The following EGFR variants were observed in gnomAD, a reference collection of about 807,000 sequenced individuals.
EGFR encodes the protein avian erythroblastic leukemia viral (v-erb-b) oncogene homolog.
In EGFR, 58 loss-of-function variants were observed where a neutral mutation model predicts 143.0. The observed-to-expected ratio is 0.41, with a 90% CI of 0.33 to 0.50. The LOEUF is 0.50. Among genes scored for constraint, EGFR ranks in the 20% least tolerant of loss-of-function variants. The probability of loss-of-function intolerance (pLI) is 0.39; values close to 1 mark genes in which losing one functional copy is unlikely to be tolerated. For missense variants in EGFR, 1,307 were observed against 1,579.0 expected (o/e 0.83, Z 2.92); for synonymous variants, 613 against 594.4 (o/e 1.03, Z -0.45).
At chr7:55,027,990 AAATAT>A (rs1450467645) in intron 1 of EGFR, among the ~76,000 whole-genome samples, 112 of 64,864 alleles carry the variant, frequency 1.7e-3, no homozygotes, top group East Asian at 0.014. Context: ...AAAAAAAAAA[AAATAT>A]ATATATATAT....
intron 1 of EGFR, among the ~76,000 whole-genome samples, chr7:55,078,725 G>T (rs1277396836): frequency 6.6e-6 from 1 of 152,208 alleles, no homozygotes; most frequent in African/African-American, 2.4e-5. Context: ...ACGGTCTGTG[G>T]CTGTGCTCAG....
At chr7:55,144,468 AG>A (rs1228980087) in intron 3 of EGFR, among the ~76,000 whole-genome samples, 2 of 152,198 alleles carry the variant, frequency 1.3e-5, no homozygotes, top group East Asian at 3.9e-4. Flanking sequence ...CAGTTCTGAC[AG>A]GGAGGCAGTG....
At chr7:55,044,538 C>T (rs886391634) in intron 1 of EGFR, among the ~76,000 whole-genome samples, 11 of 152,202 alleles carry the variant, frequency 7.2e-5, no homozygotes, top group Non-Finnish European at 1.6e-4. Context: ...TGAGAAGTCA[C>T]CATGCATTTG....
chr7:55,191,546 ATCT>A (rs1787393990), intron 20 of EGFR, among the ~76,000 whole-genome samples, 170 bp from the exon 21 acceptor site: 1 of 152,196 alleles, frequency 6.6e-6, no homozygotes, highest in South Asian at 2.1e-4. Flanking sequence ...AGCGGGTTAC[ATCT>A]TCTTTCATGC....
chr7:55,080,862 C>A (rs900580549), intron 1 of EGFR, among the ~76,000 whole-genome samples: 4 of 152,040 alleles, frequency 2.6e-5, no homozygotes, highest in Non-Finnish European at 5.9e-5. Flanking sequence ...ATTCACTTGT[C>A]GTGGATGTGG....
Position 55,191,844 on chromosome 7 carries a change from A to G in EGFR, c.2595A>G (p.Glu865=), listed in dbSNP as rs2128964676. 6.2e-7 allele frequency: 1 copy of G among 1,614,046 alleles called. No individual in the cohort carries two copies. The highest frequency in any genetic ancestry group is 1.1e-5 in the South Asian group (1 of 91,080). ...GGCTGGCCAAACTGCTGGGTGCGGA[A>G]GAGAAAGAATACCATGCAGAAGGAG... The part of the protein sequence containing the change: ...DFGLAKLLGA[E]EKEYHAEGGK... The change falls in exon 21 of 28, where the codon GAA becomes GAG. Residue 865 remains glutamate (E), a synonymous_variant. Coordinates refer to ENST00000275493, the MANE Select transcript of EGFR (RefSeq NM_005228.5).
chr7:55,130,340 G>A (rs1284854025), intron 1 of EGFR, among the ~76,000 whole-genome samples: 1 of 152,198 alleles, frequency 6.6e-6, no homozygotes, highest in African/African-American at 2.4e-5. Flanking sequence ...CGGCCCTATT[G>A]CAAGAATGTC....
At chr7:55,187,620 A>G (rs935519744) in intron 20 of EGFR, among the ~76,000 whole-genome samples, 5 of 152,212 alleles carry the variant, frequency 3.3e-5, no homozygotes, top group African/African-American at 1.2e-4. Context: ...GAAGGTGGCA[A>G]GCTGGCCTGA....
At position 55,210,831 on chromosome 7, in the gene EGFR, G is replaced by A. The variant is rs1198671722; in HGVS notation, c.*5214G>A. The A allele has an allele frequency of 6.6e-6, 1 of 152,208 alleles. No individual in the cohort carries two copies. Among genetic ancestry groups the A allele is most frequent in the Non-Finnish European group, 1.5e-5 (1 of 68,038 alleles). 9.4% of individuals were successfully genotyped at this position (152,208 alleles called of 1,614,324 possible). A position where few individuals can be genotyped will look rare whatever the true frequency, so the allele number is the denominator to read the frequency against. ...TAATATTCTTGCTGCTTATGCAGCT[G>A]ACATTGTTGCCCTCCCTAAAGCAAC... On this transcript the variant is annotated 3_prime_UTR_variant, in exon 28 of 28. Transcript: ENST00000275493.
At position 55,200,575 on chromosome 7, in the gene EGFR, C is replaced by T. The variant is rs139068680; in HGVS notation, c.2946+162C>T. 3.8e-4 allele frequency: 278 copies of T among 737,628 alleles called. No homozygotes were observed. The East Asian group carries it at 6.7e-3, about 18-fold the overall frequency. The allele number at this position is 737,628 out of a possible 1,614,324, so 45.7% of individuals were successfully genotyped here. A position where few individuals can be genotyped will look rare whatever the true frequency, so the allele number is the denominator to read the frequency against. On this transcript the variant is annotated intron_variant, in intron 24 of 27. Transcript: ENST00000275493. ...AGCCTCAGTAAGGCGCAGGCCACAT[C>T]GTGAACTAAGCAGCATCCGTGAGTG...
intron 1 of EGFR, among the ~76,000 whole-genome samples, chr7:55,036,779 C>T (rs990787081): frequency 2.6e-5 from 4 of 152,054 alleles, no homozygotes; most frequent in South Asian, 2.1e-4. Context: ...AATACTGTAG[C>T]GACAAAGTAA....
At chr7:55,183,631 T>A (rs1418548778) in intron 20 of EGFR, among the ~76,000 whole-genome samples, 1 of 152,186 alleles carries the variant, frequency 6.6e-6, no homozygotes, top group East Asian at 1.9e-4. Flanking sequence ...CTTCCCCAGC[T>A]CTCCTCCTGG....
At position 55,173,911 on chromosome 7, in the gene EGFR, T is replaced by TC. The variant is rs770889681; in HGVS notation, c.2062-3dup. The stretch of plus-strand genomic sequence containing the variant: ...GGTGACCCTTGTCTCTGTGTTCTTG[T>TC]CCCCCCCAGCTTGTGGAGCCTCTTA... On this transcript the variant is annotated splice_polypyrimidine_tract_variant and intron_variant, in intron 17 of 27. Coordinates refer to ENST00000275493, the MANE Select transcript of EGFR (RefSeq NM_005228.5). 2.9e-5 allele frequency: 47 copies of TC among 1,613,826 alleles called. No individual in the cohort carries two copies. The highest frequency in any genetic ancestry group is 8.9e-5 in the East Asian group (4 of 44,878).
At chr7:55,102,097 C>T (rs1017447507) in intron 1 of EGFR, among the ~76,000 whole-genome samples, 5 of 152,148 alleles carry the variant, frequency 3.3e-5, no homozygotes, top group Non-Finnish European at 5.9e-5. Flanking sequence ...TGAACGTGTT[C>T]CCTGCCTCTG....
intron 1 of EGFR, among the ~76,000 whole-genome samples, chr7:55,026,378 C>T (rs879310603): frequency 2.0e-5 from 3 of 152,188 alleles, no homozygotes; most frequent in Non-Finnish European, 4.4e-5. Flanking sequence ...CACTCCACCC[C>T]TCCTCCTTTT....
intron 3 of EGFR, among the ~76,000 whole-genome samples, chr7:55,145,046 A>G (rs529498573): frequency 5.3e-5 from 8 of 152,306 alleles, no homozygotes; most frequent in African/African-American, 1.9e-4. Context: ...ATGTGATACC[A>G]TTAATAGCTA....
At chr7:55,076,065 G>C (rs1790117590) in intron 1 of EGFR, among the ~76,000 whole-genome samples, 1 of 152,202 alleles carries the variant, frequency 6.6e-6, no homozygotes, top group East Asian at 1.9e-4. Flanking sequence ...TGTTATAAAT[G>C]AGACATTTGG....
rs577290355 is a variant in EGFR at position 55,064,576 on chromosome 7, T to C, written c.88+45211T>C. Among the ~76,000 whole-genome samples the C allele has an allele frequency of 5.4e-4, 82 of 152,318 alleles. 1 individual carries two copies. Among genetic ancestry groups the C allele is most frequent in the African/African-American group, 1.9e-3 (80 of 41,562 alleles). ...TATGCACTTCTTTTTTCTCTTTGGT[T>C]CTTCAAACTCTCAGTCAGTGCGCAT... On this transcript the variant is annotated intron_variant, in intron 1 of 27. Transcript: ENST00000275493.
In EGFR at chr7:55,211,405, A is replaced by G. The variant is rs527801328; in HGVS notation, c.*5788A>G. 2.0e-5 allele frequency: 3 copies of G among 152,366 alleles called. No individual in the cohort carries two copies. Among genetic ancestry groups the G allele is most frequent in the Admixed American group, 2.0e-4 (3 of 15,306 alleles). The allele number at this position is 152,366 out of a possible 1,614,324, so 9.4% of individuals were successfully genotyped here. A position where few individuals can be genotyped will look rare whatever the true frequency, so the allele number is the denominator to read the frequency against. ...ACTTCGTTTTAGAAACATTCAAGCA[A>G]TAGCTTTATAGCTTCAACATATGGT... On this transcript the variant is annotated 3_prime_UTR_variant, in exon 28 of 28. Coordinates refer to ENST00000275493, the MANE Select transcript of EGFR (RefSeq NM_005228.5).
Sources: gnomAD v4.1 joint callset for allele counts (sites outside exome capture counted in the v4.1 genomes callset) on GRCh38, gnomAD v4.1.1 for gene constraint, MANE v1.5 for transcripts, NCBI Gene and HGNC (gene_info 2026-07-23, HGNC 2026-07-21) for gene names.